Variants in RGS6 observed in about 807,000 individuals in gnomAD.
RGS6 encodes the protein regulator of G-protein signaling 6.
Under a neutral mutation model 78.5 loss-of-function variants are expected in RGS6, and 30 were observed. The ratio of observed to expected loss-of-function variants is 0.38; its 90% CI spans 0.29 to 0.52. The LOEUF (loss-of-function observed/expected upper bound fraction) is 0.52. RGS6 is among the 20% of genes least tolerant of loss of function. The pLI, the probability that RGS6 is intolerant of heterozygous loss-of-function variation, is 0.85. For synonymous variants in RGS6, 206 were observed against 206.0 expected (o/e 1.00, Z 0.00); for missense variants, 495 against 609.7 (o/e 0.81, Z 1.98).
At chr14:72,412,807 G>T (rs1019358121) in intron 3 of RGS6, among the ~76,000 whole-genome samples, 1 of 152,122 alleles carries the variant, frequency 6.6e-6, no homozygotes, top group African/African-American at 2.4e-5. Context: ...CTTTATGTCT[G>T]CCTTCATTTT....
intron 2 of RGS6, among the ~76,000 whole-genome samples, chr14:72,217,133 GC>G (rs1405326113): frequency 1.3e-5 from 2 of 152,120 alleles, no homozygotes; most frequent in South Asian, 4.1e-4. Flanking sequence ...AAATCAAAGT[GC>G]CCCCCAAGAG....
At chr14:72,089,550 G>A (rs2095188138) in intron 2 of RGS6, among the ~76,000 whole-genome samples, 2 of 152,026 alleles carry the variant, frequency 1.3e-5, no homozygotes, top group Admixed American at 1.3e-4. Flanking sequence ...TCCAATTTGT[G>A]TTTTCTTAGC....
At chr14:72,385,332 C>G (rs1304642782) in intron 3 of RGS6, among the ~76,000 whole-genome samples, 1 of 152,046 alleles carries the variant, frequency 6.6e-6, no homozygotes, top group Non-Finnish European at 1.5e-5. Context: ...TTCAATTTCT[C>G]TTAGGGATCA....
chr14:71,933,193 A>G (rs957772963), intron 1 of RGS6: 3 of 152,274 alleles, frequency 2.0e-5, no homozygotes, highest in Non-Finnish European at 2.9e-5. Flanking sequence ...GCAGGTCTGC[A>G]TATAAATCAT....
the RGS6 span, among the ~76,000 whole-genome samples, chr14:71,882,111 T>C: frequency 6.6e-6 from 1 of 152,168 alleles, no homozygotes; most frequent in East Asian, 1.9e-4. Context: ...TAATTTCCCC[T>C]CTCAGCTTCT....
chr14:72,476,412 G>A (rs963032210), intron 10 of RGS6, among the ~76,000 whole-genome samples: 18 of 152,308 alleles, frequency 1.2e-4, no homozygotes, highest in African/African-American at 3.8e-4. Context: ...TCCAGGGGGC[G>A]AGGGGATACT....
intron 2 of RGS6, among the ~76,000 whole-genome samples, chr14:72,263,570 G>T (rs1418082640): frequency 6.6e-6 from 1 of 152,184 alleles, no homozygotes; most frequent in Non-Finnish European, 1.5e-5. Flanking sequence ...ACTAGTATTA[G>T]AAAGTAGGTC....
chr14:72,378,009 G>A (rs2152869634), intron 3 of RGS6, among the ~76,000 whole-genome samples: 1 of 152,170 alleles, frequency 6.6e-6, no homozygotes, highest in East Asian at 1.9e-4. Context: ...ATTTTATCAA[G>A]TATTTAATCT....
chr14:72,021,615 C>A (rs1411740821), intron 2 of RGS6, among the ~76,000 whole-genome samples: 2 of 151,712 alleles, frequency 1.3e-5, no homozygotes, highest in Non-Finnish European at 2.9e-5. Context: ...ATTACAGGCG[C>A]CTGCCACCAC....
At chr14:72,623,432 C>A in the RGS6 span, among the ~76,000 whole-genome samples, 1 of 152,152 alleles carries the variant, frequency 6.6e-6, no homozygotes, top group Non-Finnish European at 1.5e-5. Context: ...TTTGACAATA[C>A]ATCCTTAGTA....
chr14:72,271,731 G>C (rs2059967726), intron 2 of RGS6, among the ~76,000 whole-genome samples: 1 of 152,170 alleles, frequency 6.6e-6, no homozygotes, highest in Admixed American at 6.5e-5. Flanking sequence ...CAGTTCTGAA[G>C]TCAGAAATCT....
At chr14:72,252,880 C>T (rs1217957731) in intron 2 of RGS6, among the ~76,000 whole-genome samples, 2 of 152,184 alleles carry the variant, frequency 1.3e-5, no homozygotes, top group East Asian at 3.8e-4. Flanking sequence ...TCCTAGGTTT[C>T]TCAAAGGGCT....
intron 6 of RGS6, 98 bp downstream of exon 6, chr14:72,459,781 T>C: frequency 8.2e-7 from 1 of 1,217,316 alleles, no homozygotes; most frequent in South Asian, 1.2e-5. Context: ...TGGTGGTACA[T>C]GGGGAGGAGG....
At chr14:72,213,705 A>G (rs1299992523) in intron 2 of RGS6, among the ~76,000 whole-genome samples, 2 of 152,150 alleles carry the variant, frequency 1.3e-5, no homozygotes, top group African/African-American at 2.4e-5. Context: ...AGCTCCTTCT[A>G]GCCATGTTTA....
At chr14:72,458,248 C>G (rs528456134) in intron 4 of RGS6, 23 bp from the exon 5 acceptor site, 1 of 1,561,740 alleles carries the variant, frequency 6.4e-7, no homozygotes. Context: ...AATTCCTTCT[C>G]TCTCTATGCA....
chr14:72,187,544 G>A (rs1224848760), intron 2 of RGS6, among the ~76,000 whole-genome samples: 1 of 152,076 alleles, frequency 6.6e-6, no homozygotes, highest in African/African-American at 2.4e-5. Context: ...CTTGACAGTA[G>A]GCAGAGAAGC....
intron 2 of RGS6, among the ~76,000 whole-genome samples, chr14:71,967,186 A>G (rs1037563613): frequency 1.3e-5 from 1 of 74,680 alleles, no homozygotes; most frequent in Non-Finnish European, 2.7e-5. Flanking sequence ...ACTTGTGTAA[A>G]GAGTATATAT....
rs186833853 is a variant in RGS6, at chr14:72,459,757, C to T, written c.394+74C>T. 1.2e-5 allele frequency: 18 copies of T among 1,461,810 alleles called. No individual in the cohort carries two copies. The Admixed American group carries it at 2.8e-4, about 23-fold the overall frequency. 90.6% of individuals were successfully genotyped at this position (1,461,810 alleles called of 1,614,324 possible). A position where few individuals can be genotyped will look rare whatever the true frequency, so the allele number is the denominator to read the frequency against. On this transcript the variant is annotated intron_variant, in intron 6 of 17. Transcript: ENST00000553525. Reference sequence around the variant, plus strand: ...CTTCTGGGGGTGCAGAAGACAAATGCTTGGTGTGGGCCATGGTGGTACATG... The same window carrying T: ...CTTCTGGGGGTGCAGAAGACAAATGTTTGGTGTGGGCCATGGTGGTACATG...
chr14:72,602,952 A>C, the RGS6 span, among the ~76,000 whole-genome samples: 9 of 152,222 alleles, frequency 5.9e-5, no homozygotes, highest in Non-Finnish European at 1.3e-4. Context: ...AAAAAGAAAA[A>C]AGAAAAAAAT....
Sources: allele counts gnomAD v4.1 joint callset (sites outside exome capture counted in the v4.1 genomes callset), GRCh38; gene constraint gnomAD v4.1.1; transcripts MANE v1.5; gene names NCBI Gene and HGNC (gene_info 2026-07-23, HGNC 2026-07-21).